Variants in GRB10 observed in about 807,000 individuals in gnomAD.
GRB10 encodes growth factor receptor-bound protein 10.
Under a neutral mutation model 80.9 loss-of-function variants are expected in GRB10, and 20 were observed. That is an observed-to-expected ratio of 0.25 (90% CI 0.17 to 0.36). The LOEUF (loss-of-function observed/expected upper bound fraction) is 0.36. GRB10 is among the 10% of genes least tolerant of loss of function. GRB10 has a pLI of 1.00. For synonymous variants in GRB10, 291 were observed against 291.5 expected (o/e 1.00, Z 0.02); for missense variants, 548 against 747.7 (o/e 0.73, Z 3.12).
intron 2 of GRB10, among the ~76,000 whole-genome samples, chr7:50,756,292 C>A (rs180936340): frequency 6.6e-6 from 1 of 152,210 alleles, no homozygotes; most frequent in Non-Finnish European, 1.5e-5. Flanking sequence ...CTGGGCTCTA[C>A]GCTCACTGCC....
chr7:50,650,053 G>A (rs746334816), intron 7 of GRB10, among the ~76,000 whole-genome samples: 5 of 152,132 alleles, frequency 3.3e-5, no homozygotes, highest in Non-Finnish European at 7.4e-5. Flanking sequence ...ACTAGAGTGG[G>A]GGAGGCTGAG....
chr7:50,674,793 C>T, intron 5 of GRB10, 135 bp from the exon 6 acceptor site: 1 of 736,784 alleles, frequency 1.4e-6, no homozygotes, highest in Non-Finnish European at 2.4e-6. Context: ...AGAGGGGAAA[C>T]ACCAAGACAA....
intron 3 of GRB10, among the ~76,000 whole-genome samples, chr7:50,746,662 C>T (rs1407951352): frequency 6.6e-6 from 1 of 152,162 alleles, no homozygotes; most frequent in Non-Finnish European, 1.5e-5. Context: ...TCACTTTCTC[C>T]ACAAAAGAGG....
chr7:50,625,530 T>C (rs1473666195), intron 8 of GRB10, among the ~76,000 whole-genome samples: 1 of 152,216 alleles, frequency 6.6e-6, no homozygotes, highest in African/African-American at 2.4e-5. Context: ...GATCCACTCA[T>C]GGACGTCCCA....
chr7:50,684,409 C>A (rs2715136), intron 5 of GRB10, among the ~76,000 whole-genome samples: 2 of 150,950 alleles, frequency 1.3e-5, no homozygotes, highest in Non-Finnish European at 2.9e-5. Context: ...TTCATCTTAG[C>A]GATTTCATCA....
At chr7:50,617,849 T>G in intron 10 of GRB10, 1 of 606,266 alleles carries the variant, frequency 1.6e-6, no homozygotes, top group Non-Finnish European at 2.9e-6. Flanking sequence ...TAAGTGCCTG[T>G]TTGGCTTAGA....
At chr7:50,698,262 A>C (rs955466578) in intron 5 of GRB10, among the ~76,000 whole-genome samples, 2 of 152,350 alleles carry the variant, frequency 1.3e-5, no homozygotes, top group Non-Finnish European at 1.5e-5. Flanking sequence ...TCCCAGGCTG[A>C]AGTGCGCCTT....
At chr7:50,728,265 A>G (rs1014780858) in intron 4 of GRB10, among the ~76,000 whole-genome samples, 4 of 151,730 alleles carry the variant, frequency 2.6e-5, no homozygotes, top group African/African-American at 9.7e-5. Flanking sequence ...TCACTCTTTC[A>G]CTAAAAATAA....
chr7:50,693,524 G>A (rs2063076390), intron 5 of GRB10, among the ~76,000 whole-genome samples: 1 of 152,194 alleles, frequency 6.6e-6, no homozygotes, highest in Admixed American at 6.5e-5. Flanking sequence ...GAGGACCCCT[G>A]AACTCCAGAG....
At chr7:50,633,254 C>T (rs1378683932) in intron 7 of GRB10, among the ~76,000 whole-genome samples, 1 of 152,170 alleles carries the variant, frequency 6.6e-6, no homozygotes, top group Non-Finnish European at 1.5e-5. Flanking sequence ...TTACTACAAC[C>T]TACAAACAAC....
At chr7:50,682,177 C>T (rs2061612566) in intron 5 of GRB10, among the ~76,000 whole-genome samples, 1 of 152,220 alleles carries the variant, frequency 6.6e-6, no homozygotes, top group South Asian at 2.1e-4. Context: ...GGGATCGTAG[C>T]TCACCTCAGA....
chr7:50,768,406 T>C (rs2076591997), intron 2 of GRB10, among the ~76,000 whole-genome samples: 1 of 152,232 alleles, frequency 6.6e-6, no homozygotes. Flanking sequence ...ATTGCCCTAA[T>C]AAGGCCTTCA....
chr7:50,775,704 C>G (rs896092868), intron 2 of GRB10, among the ~76,000 whole-genome samples: 2 of 152,192 alleles, frequency 1.3e-5, no homozygotes, highest in East Asian at 3.9e-4. Flanking sequence ...TGTCTGAGCC[C>G]AAGACTCTCT....
At chr7:50,606,803 T>C (rs2048626016) in intron 13 of GRB10, 1 of 277,278 alleles carries the variant, frequency 3.6e-6, no homozygotes, top group Admixed American at 4.9e-5. Flanking sequence ...TATGGGACTG[T>C]ACTGCATTCG....
In GRB10 at chr7:50,600,857, A is replaced by G. The variant is rs76226709; in HGVS notation, c.1544+3141T>C. On this transcript the variant is annotated intron_variant, in intron 17 of 18. Transcript: ENST00000401949. Reference sequence around the variant, plus strand: ...TGAGGGACTCTGGTGATACTTCACAATATTACATAGGCCCTGCCCTTCCAC... The same window carrying G: ...TGAGGGACTCTGGTGATACTTCACAGTATTACATAGGCCCTGCCCTTCCAC... Among the ~76,000 whole-genome samples, 34 of 152,326 alleles carry G rather than the reference A, an allele frequency of 2.2e-4. No homozygotes were observed. In the East Asian group the frequency reaches 6.4e-3, roughly 29 times the overall value.
intron 5 of GRB10, among the ~76,000 whole-genome samples, chr7:50,690,748 C>T (rs2062725285): frequency 6.6e-6 from 1 of 152,216 alleles, no homozygotes; most frequent in African/African-American, 2.4e-5. Context: ...ACCAGGGGAA[C>T]AGAAAGAGTT....
rs2069931308 is a variant in GRB10, at chr7:50,732,285, T to C, written c.38A>G (p.His13Arg). ...LAGCPDSFLH[H>R]PYYQDKVEQT... ...GCTCGCCCATACCTGGTAGTACGGA[T>C]GGTGCAAAAAGGAATCTGGGCAGCC... Residue 13 changes from histidine (H) to arginine (R), a missense_variant, in exon 4 of 19, where the codon CAT becomes CGT. This residue lies in a region of GRB10 where 245 missense variants were observed against 229.3 expected (regional missense o/e 1.07). Transcript: ENST00000401949. 1.2e-6 allele frequency: 2 copies of C among 1,614,004 alleles called. No homozygotes were observed. The highest frequency in any genetic ancestry group is 1.3e-5 in the African/African-American group (1 of 74,998).
At chr7:50,760,931 A>G (rs1372913873) in intron 2 of GRB10, among the ~76,000 whole-genome samples, 2 of 152,322 alleles carry the variant, frequency 1.3e-5, no homozygotes, top group East Asian at 3.9e-4. Flanking sequence ...TTGACAACCT[A>G]TTACCTGTCA....
chr7:50,612,912 G>A, intron 12 of GRB10, 73 bp from the exon 13 acceptor site: 1 of 966,968 alleles, frequency 1.0e-6, no homozygotes, highest in Non-Finnish European at 1.6e-6. Flanking sequence ...AGGCAGGGCT[G>A]CATCTGACAC....
Sources: gnomAD v4.1 joint callset for allele counts (sites outside exome capture counted in the v4.1 genomes callset) on GRCh38, gnomAD v4.1.1 for gene constraint, gnomAD v4.1.1 regional missense constraint, MANE v1.5 for transcripts, NCBI Gene and HGNC (gene_info 2026-07-23, HGNC 2026-07-21) for gene names.